NEDD4: variants seen among roughly 807,000 people sequenced by gnomAD.
NEDD4 encodes NEDD4 E3 ubiquitin protein ligase.
NEDD4 carries 99 observed loss-of-function variants against 144.9 expected under a neutral mutation model. That is an observed-to-expected ratio of 0.68 (90% CI 0.58 to 0.81). The LOEUF is 0.81. Ranked by LOEUF, NEDD4 falls within the 30% of genes least tolerant of loss-of-function variation. The pLI, the probability that NEDD4 is intolerant of heterozygous loss-of-function variation, is 0.00. For synonymous variants in NEDD4, 318 were observed against 350.6 expected (o/e 0.91, Z 1.04); for missense variants, 985 against 1,065.9 (o/e 0.92, Z 1.06).
intron 6 of NEDD4, among the ~76,000 whole-genome samples, chr15:55,872,803 A>G (rs534089083): frequency 6.6e-6 from 1 of 152,136 alleles, no homozygotes; most frequent in Non-Finnish European, 1.5e-5. Flanking sequence ...ACATGTCTGC[A>G]GGCTGGCTTG....
chr15:55,943,112 G>A (rs1320157848), intron 4 of NEDD4, among the ~76,000 whole-genome samples: 1 of 152,206 alleles, frequency 6.6e-6, no homozygotes, highest in Non-Finnish European at 1.5e-5. Context: ...TTCAAGAAGT[G>A]GCCTGGCTGC....
intron 15 of NEDD4, 47 bp downstream of exon 15, chr15:55,848,759 T>C: frequency 6.5e-7 from 1 of 1,546,648 alleles, no homozygotes; most frequent in Non-Finnish European, 8.9e-7. Flanking sequence ...AAATGCAAAA[T>C]ATTTGAGATA....
intron 5 of NEDD4, among the ~76,000 whole-genome samples, chr15:55,908,788 C>T (rs1191356483): frequency 1.3e-5 from 2 of 152,052 alleles, no homozygotes; most frequent in African/African-American, 4.8e-5. Flanking sequence ...ACCTGTAGTC[C>T]CAGCTACACA....
At chr15:55,950,065 T>C (rs2037210191) in intron 4 of NEDD4, among the ~76,000 whole-genome samples, 1 of 151,902 alleles carries the variant, frequency 6.6e-6, no homozygotes, top group Admixed American at 6.6e-5. Context: ...AAAAACACTC[T>C]CCTAACCAAC....
intron 12 of NEDD4, among the ~76,000 whole-genome samples, chr15:55,855,058 GAT>G (rs1186824473): frequency 6.6e-6 from 1 of 152,146 alleles, no homozygotes; most frequent in African/African-American, 2.4e-5. Context: ...GGCTAGCGAT[GAT>G]AGTCTTTCAA....
intron 4 of NEDD4, among the ~76,000 whole-genome samples, chr15:55,937,267 T>C (rs1379528350): frequency 6.6e-6 from 1 of 152,220 alleles, no homozygotes; most frequent in African/African-American, 2.4e-5. Context: ...GTTTTTGCTG[T>C]AATATGTTAT....
At chr15:55,834,785 A>G (rs1392584442) in intron 24 of NEDD4, among the ~76,000 whole-genome samples, 1 of 152,174 alleles carries the variant, frequency 6.6e-6, no homozygotes, top group Admixed American at 6.5e-5. Context: ...TCAAGCCTCC[A>G]CATCACCCCT....
chr15:55,903,838 A>AC (rs2035994068), intron 5 of NEDD4, among the ~76,000 whole-genome samples: 7 of 50,584 alleles, frequency 1.4e-4, no homozygotes, highest in Non-Finnish European at 2.3e-4. Context: ...AAAAAAAAAA[A>AC]AACACACATA....
chr15:55,955,667 G>A (rs968116394), intron 2 of NEDD4, among the ~76,000 whole-genome samples: 4 of 151,588 alleles, frequency 2.6e-5, no homozygotes, highest in Non-Finnish European at 4.4e-5. Context: ...AATAAACACT[G>A]TATGTATATA....
intron 1 of NEDD4, among the ~76,000 whole-genome samples, chr15:55,989,771 T>C (rs1328577284): frequency 1.3e-5 from 2 of 152,140 alleles, no homozygotes; most frequent in African/African-American, 4.8e-5. Context: ...TTACAAAATT[T>C]TTGGAAGAGC....
At chr15:55,929,663 T>C (rs1432670932) in intron 4 of NEDD4, among the ~76,000 whole-genome samples, 1 of 152,220 alleles carries the variant, frequency 6.6e-6, no homozygotes, top group Non-Finnish European at 1.5e-5. Flanking sequence ...CATATAATTG[T>C]TAAATGTTTA....
chr15:55,931,072 A>G (rs183180682), intron 4 of NEDD4, among the ~76,000 whole-genome samples: 46 of 152,362 alleles, frequency 3.0e-4, no homozygotes, highest in African/African-American at 1.1e-3. Context: ...TTTCAGAGAA[A>G]GAGAAGGAAA....
chr15:55,915,635 T>C, intron 5 of NEDD4: 2 of 1,613,684 alleles, frequency 1.2e-6, no homozygotes, highest in Non-Finnish European at 1.7e-6. Flanking sequence ...CTGACATTTC[T>C]GGTTTACAAT....
At chr15:55,963,128 C>CTTTTTTTTTTTT (rs754905603) in intron 2 of NEDD4, among the ~76,000 whole-genome samples, 1 of 142,656 alleles carries the variant, frequency 7.0e-6, no homozygotes, top group Non-Finnish European at 1.5e-5. Flanking sequence ...TTCTGGCACT[C>CTTTTTTTTTTTT]TTTTTTATTT....
At chr15:55,933,279 C>A (rs1566958147) in intron 4 of NEDD4, among the ~76,000 whole-genome samples, 1 of 151,936 alleles carries the variant, frequency 6.6e-6, no homozygotes, top group Non-Finnish European at 1.5e-5. Flanking sequence ...TGGAACCAAC[C>A]CAAATGTCCA....
intron 27 of NEDD4, among the ~76,000 whole-genome samples, chr15:55,832,513 C>T (rs1227552935): frequency 6.6e-6 from 1 of 152,158 alleles, no homozygotes; most frequent in Non-Finnish European, 1.5e-5. Flanking sequence ...CTCCTGGGTT[C>T]AAGCAATTCT....
chr15:55,872,388 T>C (rs1352114386), intron 7 of NEDD4, 27 bp downstream of exon 7: 6 of 1,154,634 alleles, frequency 5.2e-6, no homozygotes, highest in Middle Eastern at 2.4e-4. Flanking sequence ...AAATTTAATA[T>C]GCTATTATTA....
intron 4 of NEDD4, among the ~76,000 whole-genome samples, chr15:55,926,530 G>A (rs889695540): frequency 6.6e-6 from 1 of 152,194 alleles, no homozygotes; most frequent in Non-Finnish European, 1.5e-5. Flanking sequence ...AGCACTCCTA[G>A]GCTGAGGTGG....
chr15:55,989,489 G>T (rs1346836352), intron 1 of NEDD4, among the ~76,000 whole-genome samples: 3 of 152,036 alleles, frequency 2.0e-5, no homozygotes, highest in African/African-American at 7.2e-5. Flanking sequence ...ACTGAGTAAG[G>T]GTCAGTTTCT....
Sources: gnomAD v4.1 joint callset for allele counts (sites outside exome capture counted in the v4.1 genomes callset) on GRCh38, gnomAD v4.1.1 for gene constraint, MANE v1.5 for transcripts, NCBI Gene and HGNC (gene_info 2026-07-23, HGNC 2026-07-21) for gene names.